LRRC4C: variants seen among roughly 807,000 people sequenced by gnomAD.
LRRC4C encodes the protein leucine-rich repeat-containing protein 4C.
Under a neutral mutation model 33.6 loss-of-function variants are expected in LRRC4C, and 5 were observed. That is an observed-to-expected ratio of 0.15 (90% confidence interval 0.08 to 0.31). The LOEUF (loss-of-function observed/expected upper bound fraction) is 0.31, where lower values mean the gene tolerates loss of function less well. LRRC4C is among the 10% of genes least tolerant of loss of function. LRRC4C has a pLI of 1.00. For synonymous variants in LRRC4C, 329 were observed against 302.0 expected, an observed-to-expected ratio of 1.09 and a Z score of -0.93; for missense variants, 560 against 796.7, an observed-to-expected ratio of 0.70 and a Z score of 3.58.
intron 1 of LRRC4C, among the ~76,000 whole-genome samples, chr11:41,442,464 T>C (rs933021595): frequency 4.3e-5 from 3 of 70,278 alleles, no homozygotes; most frequent in South Asian, 4.5e-4. Context: ...TTTTCTTTTT[T>C]TTTTTTTTTT....
intron 1 of LRRC4C, among the ~76,000 whole-genome samples, chr11:41,173,927 CT>C (rs1304545978): frequency 3.9e-5 from 6 of 151,988 alleles, no homozygotes; most frequent in Non-Finnish European, 8.8e-5. Context: ...AATATGTCAA[CT>C]TTAAAAGTTA....
chr11:40,461,248 C>G (rs79051009), intron 3 of LRRC4C, among the ~76,000 whole-genome samples: 1 of 152,094 alleles, frequency 6.6e-6, no homozygotes, highest in Non-Finnish European at 1.5e-5. Flanking sequence ...TGGAACCTTA[C>G]AGAAAGTGTA....
At chr11:40,641,015 CAAAAAAAAAA>C (rs5791392) in intron 3 of LRRC4C, among the ~76,000 whole-genome samples, 1 of 110,088 alleles carries the variant, frequency 9.1e-6, no homozygotes, top group African/African-American at 3.7e-5. Flanking sequence ...GAGTCCATCT[CAAAAAAAAAA>C]AAAAAAAAAA....
chr11:40,218,845 C>T (rs1473354980), intron 5 of LRRC4C, among the ~76,000 whole-genome samples: 4 of 152,008 alleles, frequency 2.6e-5, no homozygotes, highest in African/African-American at 4.8e-5. Flanking sequence ...TCTCCACACA[C>T]TCACTCTGTT....
At chr11:40,484,291 G>T (rs1590879657) in intron 3 of LRRC4C, among the ~76,000 whole-genome samples, 1 of 152,076 alleles carries the variant, frequency 6.6e-6, no homozygotes, top group Middle Eastern at 3.4e-3. Flanking sequence ...TTAATTAATT[G>T]CAAAAGATTT....
intron 3 of LRRC4C, among the ~76,000 whole-genome samples, chr11:40,369,026 T>C (rs1392416528): frequency 6.6e-6 from 1 of 152,170 alleles, no homozygotes; most frequent in Non-Finnish European, 1.5e-5. Context: ...AACAAGATAA[T>C]GGTTGATACA....
At chr11:41,371,675 A>T (rs1952752515) in intron 1 of LRRC4C, among the ~76,000 whole-genome samples, 1 of 152,250 alleles carries the variant, frequency 6.6e-6, no homozygotes, top group Non-Finnish European at 1.5e-5. Flanking sequence ...ATTAAAAAGC[A>T]TGTAGAGTTA....
At chr11:41,387,207 T>C (rs1255040365) in intron 1 of LRRC4C, among the ~76,000 whole-genome samples, 2 of 151,688 alleles carry the variant, frequency 1.3e-5, no homozygotes. Flanking sequence ...ATGATAACTT[T>C]TTTTTAAAGG....
intron 2 of LRRC4C, among the ~76,000 whole-genome samples, chr11:40,747,026 C>T (rs1948461140): frequency 6.6e-6 from 1 of 152,192 alleles, no homozygotes; most frequent in Admixed American, 6.5e-5. Context: ...GAATAAGCCA[C>T]CTGGTGGCTC....
chr11:40,639,372 C>A (rs965960309), intron 3 of LRRC4C, among the ~76,000 whole-genome samples: 1 of 152,174 alleles, frequency 6.6e-6, no homozygotes, highest in African/African-American at 2.4e-5. Context: ...TCAGTGACAT[C>A]ACATTGGTGG....
chr11:40,853,431 GATAT>G (rs1480680030), intron 2 of LRRC4C, among the ~76,000 whole-genome samples: 1 of 147,670 alleles, frequency 6.8e-6, no homozygotes, highest in African/African-American at 2.5e-5. Flanking sequence ...TATTTATATA[GATAT>G]ATATTTATAT....
chr11:40,628,328 A>C (rs1408848610), intron 3 of LRRC4C, among the ~76,000 whole-genome samples: 1 of 152,210 alleles, frequency 6.6e-6, no homozygotes, highest in East Asian at 1.9e-4. Context: ...ATACAAAAAA[A>C]TTAGCCGGGC....
At chr11:40,646,943 G>A (rs893765963) in intron 3 of LRRC4C, among the ~76,000 whole-genome samples, 29 of 152,166 alleles carry the variant, frequency 1.9e-4, no homozygotes, top group Admixed American at 1.6e-3. Context: ...TTTCTATTGA[G>A]TGGCTGTGTT....
At chr11:40,579,867 T>G (rs976567831) in intron 3 of LRRC4C, among the ~76,000 whole-genome samples, 10 of 152,198 alleles carry the variant, frequency 6.6e-5, no homozygotes, top group African/African-American at 2.4e-4. Flanking sequence ...CTTCGCTCAC[T>G]TCAATCCCCA....
At chr11:40,210,320 T>G (rs1216444618) in intron 5 of LRRC4C, among the ~76,000 whole-genome samples, 2 of 152,074 alleles carry the variant, frequency 1.3e-5, no homozygotes, top group Non-Finnish European at 2.9e-5. Flanking sequence ...TTAGAGCTTA[T>G]AAGCTTTCTG....
chr11:41,177,704 A>C (rs568530829), intron 1 of LRRC4C, among the ~76,000 whole-genome samples: 1 of 152,294 alleles, frequency 6.6e-6, no homozygotes, highest in Admixed American at 6.5e-5. Flanking sequence ...TCAAACTAGA[A>C]ATTCTAATTT....
intron 1 of LRRC4C, among the ~76,000 whole-genome samples, chr11:41,119,084 T>C (rs542024283): frequency 3.0e-4 from 45 of 148,420 alleles, no homozygotes; most frequent in Non-Finnish European, 4.8e-4. Context: ...TCCATGGCTT[T>C]CTTTGCCTTC....
At chr11:40,880,512 C>T (rs529664622) in intron 2 of LRRC4C, among the ~76,000 whole-genome samples, 4 of 132,896 alleles carry the variant, frequency 3.0e-5, no homozygotes, top group Admixed American at 8.3e-5. Flanking sequence ...GTGACTCCTA[C>T]GAACCCCTCC....
chr11:41,081,173 G>A (rs1288460477), intron 1 of LRRC4C, among the ~76,000 whole-genome samples: 1 of 152,156 alleles, frequency 6.6e-6, no homozygotes, highest in Non-Finnish European at 1.5e-5. Flanking sequence ...GACATCAAAT[G>A]TATCATTAAT....
Sources: gnomAD v4.1 joint callset for allele counts (sites outside exome capture counted in the v4.1 genomes callset) on GRCh38, gnomAD v4.1.1 for gene constraint, MANE v1.5 for transcripts, NCBI Gene and HGNC (gene_info 2026-07-23, HGNC 2026-07-21) for gene names.